ITGA1: variants seen among roughly 807,000 people sequenced by gnomAD.
ITGA1 encodes integrin alpha-1.
Under a neutral mutation model 145.9 loss-of-function variants are expected in ITGA1, and 85 were observed. The observed-to-expected ratio is 0.58, with a 90% CI of 0.49 to 0.70. The LOEUF is 0.70. Ranked by LOEUF, ITGA1 falls within the 30% of genes least tolerant of loss-of-function variation. The pLI, the probability that ITGA1 is intolerant of heterozygous loss-of-function variation, is 0.00. For synonymous variants in ITGA1, 520 were observed against 495.3 expected (o/e 1.05, Z -0.66); for missense variants, 1,351 against 1,418.7 (o/e 0.95, Z 0.77).
intron 1 of ITGA1, among the ~76,000 whole-genome samples, chr5:52,791,584 A>G (rs1580018877): frequency 6.6e-6 from 1 of 152,254 alleles, no homozygotes. Context: ...GGGCAAGACA[A>G]TCAATAACAG....
intron 6 of ITGA1, among the ~76,000 whole-genome samples, chr5:52,881,385 G>C (rs1440387209): frequency 1.3e-5 from 2 of 152,082 alleles, no homozygotes; most frequent in Non-Finnish European, 2.9e-5. Context: ...ACTCACTCTT[G>C]AAGTCTCAGC....
chr5:52,915,669 G>A, intron 15 of ITGA1, 75 bp downstream of exon 15: 1 of 1,519,018 alleles, frequency 6.6e-7, no homozygotes, highest in Non-Finnish European at 9.0e-7. Flanking sequence ...TGGAGCTCAT[G>A]TCATACCAAA....
At chr5:52,799,171 T>C (rs956443706) in intron 1 of ITGA1, among the ~76,000 whole-genome samples, 1 of 152,170 alleles carries the variant, frequency 6.6e-6, no homozygotes, top group African/African-American at 2.4e-5. Context: ...CAAGAAACTT[T>C]TAGATTCTTT....
At chr5:52,794,956 G>A (rs1379760748) in intron 1 of ITGA1, among the ~76,000 whole-genome samples, 1 of 152,036 alleles carries the variant, frequency 6.6e-6, no homozygotes, top group East Asian at 1.9e-4. Context: ...TGGGGAAGAT[G>A]TATTTTAAAT....
intron 3 of ITGA1, chr5:52,863,984 C>G (rs540760978): frequency 7.2e-4 from 110 of 152,344 alleles, no homozygotes; most frequent in African/African-American, 2.5e-3. Flanking sequence ...AATCCACATA[C>G]AGTCTTAACA....
At chr5:52,926,304 T>C (rs1750808020) in intron 19 of ITGA1, among the ~76,000 whole-genome samples, 1 of 152,084 alleles carries the variant, frequency 6.6e-6, no homozygotes, top group African/African-American at 2.4e-5. Context: ...TGGATTCAAC[T>C]AAGAATATTA....
In ITGA1 at chr5:52,822,886, C is replaced by T. The variant is rs151116512; in HGVS notation, c.62-26479C>T. Among the ~76,000 whole-genome samples, 41 of 152,290 alleles carry T rather than the reference C, an allele frequency of 2.7e-4. No homozygotes were observed. In the East Asian group the frequency reaches 4.8e-3, roughly 18 times the overall value. ...TAGGTTTGGTCACTTAAACTAGCCA[C>T]AGTATATTAGGCAAAATATTTCAAC... On this transcript the variant is annotated intron_variant, in intron 1 of 28. Transcript: ENST00000282588.
In ITGA1 at chr5:52,853,057, T is replaced by A. The variant is rs151275958; in HGVS notation, c.182+3572T>A. ...GTACCAGACTTTACATATTAATATGTGTGTAAGTTTGTAAGCATTTGAATG... is the reference window on the plus strand; with the variant it reads ...GTACCAGACTTTACATATTAATATGAGTGTAAGTTTGTAAGCATTTGAATG... On this transcript the variant is annotated intron_variant, in intron 2 of 28. Transcript: ENST00000282588. Among the ~76,000 whole-genome samples the A allele has an allele frequency of 7.0e-3, 1,068 of 152,252 alleles. 26 individuals are homozygous for A. Among genetic ancestry groups the A allele is most frequent in the Admixed American group, 0.055 (838 of 15,280 alleles).
chr5:52,820,522 T>TAAAAA (rs55942732), intron 1 of ITGA1, among the ~76,000 whole-genome samples: 2 of 146,538 alleles, frequency 1.4e-5, no homozygotes, highest in Admixed American at 6.8e-5. Flanking sequence ...TAAAGTATAA[T>TAAAAA]AAAAAAAAAA....
intron 1 of ITGA1, among the ~76,000 whole-genome samples, chr5:52,791,361 G>A (rs1748235192): frequency 6.6e-6 from 1 of 152,166 alleles, no homozygotes; most frequent in South Asian, 2.1e-4. Context: ...AGGTGGCAGT[G>A]TTAGTTTGAT....
At position 52,865,031 on chromosome 5, in the gene ITGA1, T is replaced by G. The variant is rs1044265212; in HGVS notation, c.445T>G (p.Ser149Ala). 1.2e-6 allele frequency: 2 copies of G among 1,613,952 alleles called. No homozygotes were observed. The highest frequency in any genetic ancestry group is 1.7e-6 in the Non-Finnish European group (2 of 1,179,872). Residue 149 changes from serine to alanine, a missense_variant, in exon 5 of 29, where the codon TCT becomes GCT. Coordinates refer to ENST00000282588, the MANE Select transcript of ITGA1 (RefSeq NM_181501.2). ...TTTGCATTACACAACTGGAATCTGT[T>G]CTGACGTCAGCCCCACATTTCAAGT... ...GHLHYTTGIC[S>A]DVSPTFQVVN...
chr5:52,893,103 A>G (rs1446940073), intron 8 of ITGA1, among the ~76,000 whole-genome samples: 2 of 152,164 alleles, frequency 1.3e-5, no homozygotes, highest in Admixed American at 6.6e-5. Flanking sequence ...TCCTCTTCAT[A>G]AAAAAGAATG....
chr5:52,860,621 T>C (rs1444175421), intron 2 of ITGA1, among the ~76,000 whole-genome samples: 1 of 152,228 alleles, frequency 6.6e-6, no homozygotes, highest in Non-Finnish European at 1.5e-5. Flanking sequence ...AATCTCATAC[T>C]ATGTAATTAA....
chr5:52,823,586 A>T (rs919214454), intron 1 of ITGA1, among the ~76,000 whole-genome samples: 12 of 152,280 alleles, frequency 7.9e-5, no homozygotes, highest in Admixed American at 3.3e-4. Flanking sequence ...CTGCCTTAGG[A>T]AAATGGAGGT....
intron 1 of ITGA1, chr5:52,800,918 G>T (rs549701701): frequency 6.2e-7 from 1 of 1,614,088 alleles, no homozygotes; most frequent in African/African-American, 1.3e-5. Context: ...AAAGGCAATT[G>T]CTCTCAGCAT....
Position 52,788,221 on chromosome 5 carries a change from C to A in ITGA1, c.-133C>A. Reference sequence around the variant, plus strand: ...AAATCACTCCTCTCCCGCTCCTGGGCGCCGCTGCCACTGGGGCAGAGGACT... The same window carrying A: ...AAATCACTCCTCTCCCGCTCCTGGGAGCCGCTGCCACTGGGGCAGAGGACT... On this transcript the variant is annotated 5_prime_UTR_variant, in exon 1 of 29. Coordinates refer to ENST00000282588, the MANE Select transcript of ITGA1 (RefSeq NM_181501.2). 1.7e-6 allele frequency: 1 copy of A among 573,298 alleles called. No individual in the cohort carries two copies. The highest frequency in any genetic ancestry group is 3.5e-5 in the East Asian group (1 of 28,488). 35.5% of individuals were successfully genotyped at this position (573,298 alleles called of 1,614,324 possible). A position where few individuals can be genotyped will look rare whatever the true frequency, so the allele number is the denominator to read the frequency against.
chr5:52,821,781 T>G (rs1748883377), intron 1 of ITGA1, among the ~76,000 whole-genome samples: 1 of 152,206 alleles, frequency 6.6e-6, no homozygotes, highest in Admixed American at 6.5e-5. Flanking sequence ...CTGTAATCAT[T>G]TATTTAGTAT....
chr5:52,850,323 T>C (rs942484784), intron 2 of ITGA1, among the ~76,000 whole-genome samples: 2 of 152,178 alleles, frequency 1.3e-5, no homozygotes, highest in African/African-American at 4.8e-5. Flanking sequence ...TTAAAGTATA[T>C]TTAACTTGTT....
At position 52,918,827 on chromosome 5, in the gene ITGA1, C is replaced by T. The variant is rs1159169765; in HGVS notation, c.2084C>T (p.Thr695Ile). The change falls in exon 16 of 29, where the codon ACA (threonine) becomes ATA (isoleucine). Residue 695 changes from threonine to isoleucine, a missense_variant. Physicochemically the swap from Thr to Ile is moderately conservative, Grantham distance 89. Transcript: ENST00000282588. ...KKNCHMEGKE[T>I]VCINATVCFD... ...AACTGCCATATGGAGGGAAAGGAAACAGTATGCATAAATGCTACAGTGTGT... is the reference window on the plus strand; with the variant it reads ...AACTGCCATATGGAGGGAAAGGAAATAGTATGCATAAATGCTACAGTGTGT... 4.3e-6 allele frequency: 7 copies of T among 1,612,638 alleles called. No homozygotes were observed. The highest frequency in any genetic ancestry group is 5.9e-6 in the Non-Finnish European group (7 of 1,179,234).
Sources: gnomAD v4.1 joint callset for allele counts (sites outside exome capture counted in the v4.1 genomes callset) on GRCh38, gnomAD v4.1.1 for gene constraint, MANE v1.5 for transcripts, NCBI Gene and HGNC (gene_info 2026-07-23, HGNC 2026-07-21) for gene names.